RBM46: variants seen among roughly 807,000 people sequenced by gnomAD.
RBM46 encodes the protein RNA binding motif protein 46.
RBM46 carries 12 observed loss-of-function variants against 43.3 expected under a neutral mutation model. The observed-to-expected ratio is 0.28, with a 90% CI of 0.18 to 0.45. The LOEUF is 0.45. RBM46 is among the 20% of genes least tolerant of loss of function. The pLI, the probability that RBM46 is intolerant of heterozygous loss-of-function variation, is 1.00. For synonymous variants in RBM46, 205 were observed against 207.6 expected (o/e 0.99, Z 0.11); for missense variants, 412 against 639.1 (o/e 0.64, Z 3.83).
intron 4 of RBM46, among the ~76,000 whole-genome samples, chr4:154,802,423 G>A (rs1025292726): frequency 6.6e-6 from 1 of 152,168 alleles, no homozygotes; most frequent in African/African-American, 2.4e-5. Context: ...TGTTGCCATA[G>A]CAGTGTTCTG....
chr4:154,820,131 A>G (rs114513295), intron 4 of RBM46, among the ~76,000 whole-genome samples: 1,600 of 152,130 alleles, frequency 0.011, 21 homozygotes, highest in Non-Finnish European at 0.017. Context: ...TTTTTTTCTG[A>G]TAATGTATTA....
intron 1 of RBM46, among the ~76,000 whole-genome samples, chr4:154,794,846 C>T (rs1734272572): frequency 6.6e-6 from 1 of 151,868 alleles, no homozygotes; most frequent in African/African-American, 2.4e-5. Flanking sequence ...GTGCCCTATT[C>T]CTATTCCTTT....
intron 1 of RBM46, among the ~76,000 whole-genome samples, chr4:154,794,507 A>G (rs1560894479): frequency 6.6e-6 from 1 of 152,056 alleles, no homozygotes; most frequent in Non-Finnish European, 1.5e-5. Flanking sequence ...TGACTTCCCC[A>G]TGCAACAGCC....
At chr4:154,813,909 A>C (rs1175227842) in intron 4 of RBM46, among the ~76,000 whole-genome samples, 1 of 152,028 alleles carries the variant, frequency 6.6e-6, no homozygotes, top group African/African-American at 2.4e-5. Flanking sequence ...TTTATCTTTC[A>C]TATCATTTAC....
intron 4 of RBM46, among the ~76,000 whole-genome samples, chr4:154,807,287 T>G (rs896657830): frequency 1.3e-5 from 2 of 151,780 alleles, no homozygotes; most frequent in Non-Finnish European, 1.5e-5. Context: ...TAATGTGGCT[T>G]TAAAAGGAAA....
At chr4:154,784,197 A>C (rs1210990551) in intron 1 of RBM46, among the ~76,000 whole-genome samples, 2 of 152,340 alleles carry the variant, frequency 1.3e-5, no homozygotes, top group Admixed American at 6.5e-5. Flanking sequence ...AACCCACAGT[A>C]AGATTATATA....
intron 4 of RBM46, among the ~76,000 whole-genome samples, chr4:154,817,794 G>A (rs13104592): frequency 0.22 from 32,794 of 151,606 alleles, 4,127 homozygotes; most frequent in Middle Eastern, 0.3. Flanking sequence ...TGCCATTTGC[G>A]TTCTGTTTTC....
chr4:154,815,880 T>C (rs1474789350), intron 4 of RBM46, among the ~76,000 whole-genome samples: 1 of 152,030 alleles, frequency 6.6e-6, no homozygotes, highest in Non-Finnish European at 1.5e-5. Context: ...TATTATCTTT[T>C]AGAAACTTCA....
At chr4:154,785,768 A>C (rs943021112) in intron 1 of RBM46, among the ~76,000 whole-genome samples, 2 of 152,216 alleles carry the variant, frequency 1.3e-5, no homozygotes, top group Non-Finnish European at 1.5e-5. Flanking sequence ...AAGAGAGTTC[A>C]GAGTTATGAA....
At chr4:154,797,305 G>T (rs544705098) in intron 2 of RBM46, among the ~76,000 whole-genome samples, 4 of 152,158 alleles carry the variant, frequency 2.6e-5, no homozygotes, top group Non-Finnish European at 5.9e-5. Flanking sequence ...TCTACCAATA[G>T]TCAGTACAAT....
At chr4:154,826,186 G>A (rs1384260183) in intron 4 of RBM46, among the ~76,000 whole-genome samples, 2 of 151,198 alleles carry the variant, frequency 1.3e-5, no homozygotes, top group African/African-American at 2.4e-5. Context: ...CATGAGGCAC[G>A]TTGGCTCACA....
chr4:154,821,060 C>T (rs1735698634), intron 4 of RBM46, among the ~76,000 whole-genome samples: 1 of 151,654 alleles, frequency 6.6e-6, no homozygotes, highest in African/African-American at 2.4e-5. Context: ...AATAATAGTA[C>T]TTATAAGTCT....
At chr4:154,803,702 CAAAAAAAAAAAAAA>C (rs35506499) in intron 4 of RBM46, among the ~76,000 whole-genome samples, 6 of 41,318 alleles carry the variant, frequency 1.5e-4, no homozygotes, top group Admixed American at 3.9e-4. Flanking sequence ...GACTACGTCT[CAAAAAAAAAAAAAA>C]AAAAAAAAAA....
intron 4 of RBM46, among the ~76,000 whole-genome samples, chr4:154,808,781 C>T (rs1227470601): frequency 6.6e-6 from 1 of 151,962 alleles, no homozygotes; most frequent in Non-Finnish European, 1.5e-5. Context: ...GGCATTTCAC[C>T]TGTATATATG....
intron 4 of RBM46, among the ~76,000 whole-genome samples, chr4:154,804,127 C>A (rs769960106): frequency 8.5e-5 from 13 of 152,144 alleles, no homozygotes; most frequent in Non-Finnish European, 1.9e-4. Context: ...ATTCTGGCAC[C>A]ATGCTTGTAA....
chr4:154,812,966 A>G (rs193182106), intron 4 of RBM46, among the ~76,000 whole-genome samples: 18 of 152,204 alleles, frequency 1.2e-4, no homozygotes, highest in Admixed American at 1.2e-3. Flanking sequence ...TAATTTTTAT[A>G]TTTTTTATTT....
chr4:154,792,438 T>A (rs1178965973), intron 1 of RBM46, among the ~76,000 whole-genome samples: 3 of 152,166 alleles, frequency 2.0e-5, no homozygotes, highest in Non-Finnish European at 4.4e-5. Context: ...AGTTGCATTA[T>A]TTTTAGTTAA....
intron 1 of RBM46, among the ~76,000 whole-genome samples, chr4:154,792,925 T>C (rs1165416495): frequency 1.3e-5 from 2 of 152,214 alleles, no homozygotes; most frequent in African/African-American, 4.8e-5. Flanking sequence ...AAGGGCTTTT[T>C]ATTTAATTGA....
Position 154,812,399 on chromosome 4 carries a change from T to C in RBM46, c.1402+12835T>C, listed in dbSNP as rs76528135. On this transcript the variant is annotated intron_variant, in intron 4 of 4. Transcript: ENST00000281722. ...TTAGAAAAATCTTGTAAACATATCTTGTTTACAAGGTAGCTTCATGATTTT... is the reference window on the plus strand; with the variant it reads ...TTAGAAAAATCTTGTAAACATATCTCGTTTACAAGGTAGCTTCATGATTTT... Among the ~76,000 whole-genome samples, 56 of 152,256 alleles carry C rather than the reference T, an allele frequency of 3.7e-4. 1 individual carries two copies. In the East Asian group the frequency reaches 9.5e-3, roughly 26 times the overall value.
Sources: gnomAD v4.1 joint callset for allele counts (sites outside exome capture counted in the v4.1 genomes callset) on GRCh38, gnomAD v4.1.1 for gene constraint, MANE v1.5 for transcripts, NCBI Gene and HGNC (gene_info 2026-07-23, HGNC 2026-07-21) for gene names.